The following PCDH15 variants were observed in gnomAD, a reference collection of about 807,000 sequenced individuals.
PCDH15 encodes protocadherin-15.
Under a neutral mutation model 178.5 loss-of-function variants are expected in PCDH15, and 129 were observed. The ratio of observed to expected loss-of-function variants is 0.72; its 90% confidence interval spans 0.63 to 0.84. The LOEUF is 0.84. Ranked by LOEUF, PCDH15 falls within the 40% of genes least tolerant of loss-of-function variation. The probability of loss-of-function intolerance (pLI) is 0.00; values close to 1 mark genes in which losing one functional copy is unlikely to be tolerated. For synonymous variants in PCDH15, 800 were observed against 732.0 expected (o/e 1.09, Z -1.50); for missense variants, 2,230 against 2,099.9 (o/e 1.06, Z -1.21).
intron 1 of PCDH15, among the ~76,000 whole-genome samples, chr10:54,682,583 A>G (rs1438949279): frequency 6.6e-6 from 1 of 152,136 alleles, no homozygotes; most frequent in East Asian, 1.9e-4. Context: ...GATACTTCTT[A>G]TATGTAAGAA....
At chr10:54,139,578 T>C (rs2043203223) in intron 14 of PCDH15, among the ~76,000 whole-genome samples, 1 of 152,158 alleles carries the variant, frequency 6.6e-6, no homozygotes, top group Non-Finnish European at 1.5e-5. Flanking sequence ...TGCTAATATC[T>C]GATAGTCAGC....
Position 54,090,643 on chromosome 10 carries a change from C to CA in PCDH15, c.1918-581dup, listed in dbSNP as rs34617225. 1.4e-3 allele frequency among the ~76,000 whole-genome samples: 166 copies of CA among 118,052 alleles called. 2 individuals are homozygous for CA. The highest frequency in any genetic ancestry group is 3.9e-3 in the East Asian group (14 of 3,590). 77.4% of individuals were successfully genotyped at this position (118,052 alleles called of 152,430 possible). A position where few individuals can be genotyped will look rare whatever the true frequency, so the allele number is the denominator to read the frequency against. On this transcript the variant is annotated intron_variant, in intron 15 of 37. Transcript: ENST00000644397. ...TGGGCAACAGAGCAAGATCTTGTCT[C>CA]AAAAAAAAAAAAAAAAAAAGTGCTA...
chr10:55,500,134 G>A (rs1379735793), intron 2 of PCDH15, among the ~76,000 whole-genome samples: 1 of 151,394 alleles, frequency 6.6e-6, no homozygotes, highest in African/African-American at 2.4e-5. Context: ...GTTGAATATA[G>A]TTTAATACAT....
chr10:54,290,330 T>C (rs539352582), intron 8 of PCDH15, among the ~76,000 whole-genome samples: 34 of 152,242 alleles, frequency 2.2e-4, no homozygotes, highest in African/African-American at 7.7e-4. Flanking sequence ...AAATCCTTTA[T>C]GGACAAGCAA....
At chr10:54,577,081 A>T (rs2133711903) in intron 2 of PCDH15, among the ~76,000 whole-genome samples, 1 of 78,946 alleles carries the variant, frequency 1.3e-5, no homozygotes, top group Middle Eastern at 7.6e-3. Context: ...CCTGAAGAAA[A>T]TTTTAATTTC....
intron 2 of PCDH15, among the ~76,000 whole-genome samples, chr10:55,436,319 A>G (rs913325082): frequency 1.3e-5 from 2 of 152,156 alleles, no homozygotes; most frequent in Admixed American, 1.3e-4. Flanking sequence ...GAAACATATC[A>G]GTGCCTTTAA....
At chr10:55,077,738 G>A (rs1355731636) in intron 2 of PCDH15, among the ~76,000 whole-genome samples, 1 of 152,004 alleles carries the variant, frequency 6.6e-6, no homozygotes, top group Non-Finnish European at 1.5e-5. Flanking sequence ...GTGGAGACGC[G>A]GATTCACCAT....
Position 55,159,649 on chromosome 10 carries a change from G to GATAAAGAGATATAATTATATATCTTT in PCDH15, c.-80+6901_-80+6926dup, listed in dbSNP as rs1186050824. ...TATCTTAAAGAGATATATATAAAGA[G>GATAAAGAGATATAATTATATATCTTT]ATAAAGAGATATAATTATATATCTT... On this transcript the variant is annotated intron_variant, in intron 2 of 5. Coordinates refer to the PCDH15 transcript ENST00000458638. 5.4e-5 allele frequency among the ~76,000 whole-genome samples: 8 copies of GATAAAGAGATATAATTATATATCTTT among 147,086 alleles called. No homozygotes were observed. In the East Asian group the frequency reaches 1.4e-3, roughly 25 times the overall value.
intron 2 of PCDH15, among the ~76,000 whole-genome samples, chr10:55,487,457 C>T (rs1428571687): frequency 1.3e-5 from 2 of 151,682 alleles, no homozygotes; most frequent in East Asian, 1.9e-4. Context: ...AGAATCCACC[C>T]ATTTCCTTTG....
At chr10:55,377,333 G>A (rs1479717957) in intron 2 of PCDH15, among the ~76,000 whole-genome samples, 2 of 151,558 alleles carry the variant, frequency 1.3e-5, no homozygotes, top group African/African-American at 4.8e-5. Context: ...CAGTATTTGG[G>A]GTAGAGTAAA....
intron 2 of PCDH15, among the ~76,000 whole-genome samples, chr10:55,482,995 C>T (rs747090372): frequency 6.6e-6 from 1 of 151,590 alleles, no homozygotes; most frequent in African/African-American, 2.4e-5. Flanking sequence ...GAAAATGGAC[C>T]CCTTTCTTAC....
At chr10:53,898,140 G>A (rs1234005387) in intron 26 of PCDH15, among the ~76,000 whole-genome samples, 1 of 83,898 alleles carries the variant, frequency 1.2e-5, no homozygotes, top group South Asian at 5.1e-4. Context: ...CTAATTTTTT[G>A]TATTTTTAGT....
At chr10:54,930,174 G>A (rs1837736003) in intron 2 of PCDH15, among the ~76,000 whole-genome samples, 1 of 152,140 alleles carries the variant, frequency 6.6e-6, no homozygotes, top group Admixed American at 6.5e-5. Flanking sequence ...ACAACGTGGA[G>A]CCAACCAAGT....
intron 1 of PCDH15, among the ~76,000 whole-genome samples, chr10:54,789,597 A>T (rs2133535115): frequency 6.6e-6 from 1 of 152,054 alleles, no homozygotes. Flanking sequence ...CATATTTATG[A>T]TATGTTGACA....
At chr10:54,831,523 G>A (rs930970289) in intron 3 of PCDH15, among the ~76,000 whole-genome samples, 1 of 151,152 alleles carries the variant, frequency 6.6e-6, no homozygotes, top group African/African-American at 2.4e-5. Flanking sequence ...GTGTGGATCT[G>A]TTCTACACAC....
intron 2 of PCDH15, among the ~76,000 whole-genome samples, chr10:54,981,085 C>A (rs1031003086): frequency 6.6e-6 from 1 of 151,962 alleles, no homozygotes; most frequent in African/African-American, 2.4e-5. Context: ...ATCCAAAATC[C>A]ATGAAGAAAA....
At chr10:55,107,111 C>T (rs1385376153) in intron 2 of PCDH15, among the ~76,000 whole-genome samples, 1 of 152,206 alleles carries the variant, frequency 6.6e-6, no homozygotes, top group Non-Finnish European at 1.5e-5. Flanking sequence ...AAGTCCACCT[C>T]TTGAAATATA....
At chr10:54,501,874 G>C (rs903480860) in intron 3 of PCDH15, among the ~76,000 whole-genome samples, 1 of 152,018 alleles carries the variant, frequency 6.6e-6, no homozygotes, top group Non-Finnish European at 1.5e-5. Context: ...CCAAGGGTAA[G>C]AAAATACTTG....
At chr10:55,543,943 T>A (rs1841819140) in intron 2 of PCDH15, among the ~76,000 whole-genome samples, 1 of 151,146 alleles carries the variant, frequency 6.6e-6, no homozygotes, top group Non-Finnish European at 1.5e-5. Context: ...AGTAAATTCC[T>A]CCCTTAAAAT....
Sources: allele counts gnomAD v4.1 joint callset (sites outside exome capture counted in the v4.1 genomes callset), GRCh38; gene constraint gnomAD v4.1.1; transcripts MANE v1.5; gene names NCBI Gene and HGNC (gene_info 2026-07-23, HGNC 2026-07-21).